The following ANTXR2 variants were observed in gnomAD, a reference collection of about 807,000 sequenced individuals.
ANTXR2 encodes ANTXR cell adhesion molecule 2, also known as anthrax toxin receptor 2.
A neutral mutation model predicts 73.7 loss-of-function variants in ANTXR2; 44 were observed. The observed-to-expected ratio is 0.60, with a 90% confidence interval of 0.47 to 0.77. The LOEUF is 0.77. ANTXR2 is among the 30% of genes least tolerant of loss of function. ANTXR2 has a pLI of 0.00. For missense variants in ANTXR2, 604 were observed against 592.5 expected (o/e 1.02, Z -0.20); for synonymous variants, 217 against 205.9 (o/e 1.05, Z -0.46).
chr4:79,925,339 AT>A (rs1374832120), intron 16 of ANTXR2, among the ~76,000 whole-genome samples: 3 of 148,738 alleles, frequency 2.0e-5, no homozygotes, highest in Non-Finnish European at 4.5e-5. Flanking sequence ...ATAAAAAAAA[AT>A]TTATGCAGGT....
At chr4:80,040,192 T>A (rs1473348566) in intron 7 of ANTXR2, among the ~76,000 whole-genome samples, 1 of 151,758 alleles carries the variant, frequency 6.6e-6, no homozygotes, top group East Asian at 1.9e-4. Context: ...GGTGATGGGA[T>A]CAACTGGACC....
At chr4:79,946,295 T>C (rs1728509984) in intron 16 of ANTXR2, among the ~76,000 whole-genome samples, 1 of 152,116 alleles carries the variant, frequency 6.6e-6, no homozygotes. Flanking sequence ...GCAAACAAAC[T>C]CTAAGACAAA....
intron 12 of ANTXR2, among the ~76,000 whole-genome samples, chr4:80,000,478 T>A (rs1730976582): frequency 6.6e-6 from 1 of 152,070 alleles, no homozygotes; most frequent in Admixed American, 6.6e-5. Flanking sequence ...CAATAATAAG[T>A]ATTCACCATG....
chr4:79,916,720 C>A lies in ANTXR2; in HGVS notation c.1429-9253G>T, dbSNP rs187236183. Among the ~76,000 whole-genome samples the A allele has an allele frequency of 2.1e-3, 318 of 152,148 alleles. 1 individual carries two copies. Among genetic ancestry groups the A allele is most frequent in the Admixed American group, 7.7e-3 (117 of 15,272 alleles). On this transcript the variant is annotated intron_variant, in intron 16 of 16. Coordinates refer to ENST00000403729, the MANE Select transcript of ANTXR2 (RefSeq NM_058172.6). ...AAAATGGAATGCTATAAATAATATA[C>A]ATCTGTTAGAAAGAATGAGGAAAAT...
At chr4:79,948,892 C>G (rs1325505486) in intron 16 of ANTXR2, among the ~76,000 whole-genome samples, 2 of 152,102 alleles carry the variant, frequency 1.3e-5, no homozygotes, top group Non-Finnish European at 2.9e-5. Context: ...ATGATATGCT[C>G]TGTACATGAT....
At chr4:80,010,229 C>T (rs62298634) in intron 11 of ANTXR2, among the ~76,000 whole-genome samples, 28,893 of 152,034 alleles carry the variant, frequency 0.19, 3,614 homozygotes, top group East Asian at 0.64. Context: ...AATCAGCTAC[C>T]GTCCACAGGC....
intron 16 of ANTXR2, among the ~76,000 whole-genome samples, chr4:79,959,592 C>A (rs531709432): frequency 8.5e-5 from 13 of 152,320 alleles, no homozygotes; most frequent in African/African-American, 3.1e-4. Flanking sequence ...AAGTTAAAAT[C>A]TTGACCCTGC....
chr4:80,021,691 G>A (rs1732171546), intron 10 of ANTXR2, among the ~76,000 whole-genome samples: 1 of 152,074 alleles, frequency 6.6e-6, no homozygotes, highest in Non-Finnish European at 1.5e-5. Context: ...AGAAATGCAT[G>A]CTGATATGAT....
At chr4:80,024,499 G>A (rs1460933858) in intron 10 of ANTXR2, 7 of 250,668 alleles carry the variant, frequency 2.8e-5, no homozygotes, top group East Asian at 1.2e-4. Flanking sequence ...TGTGGCTCAT[G>A]CCTGTAATCC....
intron 10 of ANTXR2, among the ~76,000 whole-genome samples, chr4:80,027,140 C>A (rs1251356337): frequency 1.3e-5 from 2 of 152,034 alleles, no homozygotes; most frequent in Non-Finnish European, 2.9e-5. Flanking sequence ...AAAATAAAAT[C>A]TCATTCCTCA....
intron 3 of ANTXR2, among the ~76,000 whole-genome samples, chr4:80,064,951 A>T (rs1008274744): frequency 2.0e-4 from 30 of 152,320 alleles, no homozygotes; most frequent in African/African-American, 7.2e-4. Context: ...AGATTATTGT[A>T]GCCAATATAC....
chr4:80,031,737 C>CT, intron 9 of ANTXR2, 45 bp from the exon 10 acceptor site: 1 of 1,176,072 alleles, frequency 8.5e-7, no homozygotes, highest in Non-Finnish European at 1.1e-6. Context: ...TTTTATGCAT[C>CT]TCACACAGTT....
At chr4:79,978,776 T>C (rs1729757957) in intron 14 of ANTXR2, among the ~76,000 whole-genome samples, 2 of 152,212 alleles carry the variant, frequency 1.3e-5, no homozygotes, top group South Asian at 2.1e-4. Context: ...AAGTTTCCAA[T>C]TGGTTAGAAT....
chr4:80,005,949 C>G (rs1472755298), intron 12 of ANTXR2, among the ~76,000 whole-genome samples: 1 of 152,114 alleles, frequency 6.6e-6, no homozygotes, highest in Non-Finnish European at 1.5e-5. Context: ...AAATCCAAAC[C>G]ATCATTCACC....
At chr4:80,064,894 T>A (rs765598632) in intron 3 of ANTXR2, among the ~76,000 whole-genome samples, 2 of 152,200 alleles carry the variant, frequency 1.3e-5, no homozygotes, top group Non-Finnish European at 2.9e-5. Flanking sequence ...GTCTAAGTGA[T>A]GAAATTGTTT....
At chr4:79,922,092 C>T (rs1487989038) in intron 16 of ANTXR2, among the ~76,000 whole-genome samples, 1 of 151,996 alleles carries the variant, frequency 6.6e-6, no homozygotes, top group Non-Finnish European at 1.5e-5. Context: ...GAGCAGCAGA[C>T]AAATGACTTT....
At chr4:80,029,899 G>A (rs958748998) in intron 10 of ANTXR2, among the ~76,000 whole-genome samples, 2 of 151,816 alleles carry the variant, frequency 1.3e-5, no homozygotes, top group African/African-American at 4.8e-5. Flanking sequence ...AAGTCTGAGA[G>A]GGAATGAGAG....
intron 16 of ANTXR2, 153 bp downstream of exon 16, chr4:79,977,468 T>C (rs1391671766): frequency 1.4e-6 from 2 of 1,401,034 alleles, no homozygotes; most frequent in African/African-American, 1.5e-5. Context: ...AGGTAATTTA[T>C]AGACAATTCT....
In ANTXR2 at chr4:79,905,702, G is replaced by A. The variant is rs1578070368; in HGVS notation, c.*1727C>T. 1 of 152,444 alleles carries A rather than the reference G, an allele frequency of 6.6e-6. No individual in the cohort carries two copies. The highest frequency in any genetic ancestry group is 1.9e-4 in the East Asian group (1 of 5,172). The allele number at this position is 152,444 out of a possible 1,614,324, so 9.4% of individuals were successfully genotyped here. On this transcript the variant is annotated 3_prime_UTR_variant, in exon 17 of 17. Coordinates refer to ENST00000403729, the MANE Select transcript of ANTXR2 (RefSeq NM_058172.6). Reference sequence around the variant, plus strand: ...TGTATAGAAAATTATATATTTGTGTGTGTGTGTAAGGCCTCTTGGAACAGT... The same window carrying A: ...TGTATAGAAAATTATATATTTGTGTATGTGTGTAAGGCCTCTTGGAACAGT...
Sources: allele counts gnomAD v4.1 joint callset (sites outside exome capture counted in the v4.1 genomes callset), GRCh38; gene constraint gnomAD v4.1.1; transcripts MANE v1.5; gene names NCBI Gene and HGNC (gene_info 2026-07-23, HGNC 2026-07-21).